Variants in PAK2 observed in about 807,000 individuals in gnomAD.
PAK2 encodes p21 (RAC1) activated kinase 2.
Under a neutral mutation model 65.9 loss-of-function variants are expected in PAK2, and 21 were observed. That is an observed-to-expected ratio of 0.32 (90% CI 0.23 to 0.46). The LOEUF (loss-of-function observed/expected upper bound fraction) is 0.46, where lower values mean the gene tolerates loss of function less well. PAK2 is among the 20% of genes least tolerant of loss of function. The pLI is 1.00. For synonymous variants in PAK2, 204 were observed against 219.7 expected (o/e 0.93, Z 0.63); for missense variants, 324 against 642.6 (o/e 0.50, Z 5.36).
At chr3:196,824,745 C>T (rs1711772660) in intron 13 of PAK2, among the ~76,000 whole-genome samples, 1 of 151,886 alleles carries the variant, frequency 6.6e-6, no homozygotes, top group Non-Finnish European at 1.5e-5. Context: ...GCTTGAAAGG[C>T]TGAAGCAGGA....
intron 5 of PAK2, 137 bp downstream of exon 5, chr3:196,805,520 A>G (rs1715557156): frequency 3.9e-6 from 2 of 507,192 alleles, no homozygotes; most frequent in Non-Finnish European, 7.0e-6. Flanking sequence ...GTTTTTAGCT[A>G]GCCACCTGAT....
At chr3:196,814,634 AT>A in intron 11 of PAK2, 66 bp downstream of exon 11, 2 of 742,810 alleles carry the variant, frequency 2.7e-6, no homozygotes, top group Non-Finnish European at 4.8e-6. Context: ...ACAAAAGGAA[AT>A]TTTTCTGCAC....
intron 8 of PAK2, among the ~76,000 whole-genome samples, chr3:196,811,187 A>G (rs1715774332): frequency 1.8e-5 from 2 of 111,434 alleles, no homozygotes; most frequent in African/African-American, 3.3e-5. Context: ...AAACTTCCAT[A>G]TGAATTCCTT....
chr3:196,784,220 TTTC>T (rs1369545582), intron 2 of PAK2, among the ~76,000 whole-genome samples: 1 of 129,462 alleles, frequency 7.7e-6, no homozygotes, highest in Non-Finnish European at 1.7e-5. Flanking sequence ...TAATTTTTTT[TTTC>T]TTTTTTTTTT....
chr3:196,804,560 C>T (rs58308557), intron 4 of PAK2, among the ~76,000 whole-genome samples: 1 of 152,034 alleles, frequency 6.6e-6, no homozygotes, highest in African/African-American at 2.4e-5. Flanking sequence ...CCCCGCCTCC[C>T]GGGTTCAAGC....
intron 2 of PAK2, 108 bp from the exon 3 acceptor site, chr3:196,801,819 G>A (rs1715431396): frequency 3.2e-6 from 2 of 634,430 alleles, no homozygotes; most frequent in African/African-American, 3.7e-5. Context: ...GGCAACAAGA[G>A]CGAAACTCCA....
At chr3:196,758,828 A>T (rs1246048669) in intron 1 of PAK2, among the ~76,000 whole-genome samples, 1 of 151,768 alleles carries the variant, frequency 6.6e-6, no homozygotes, top group East Asian at 1.9e-4. Context: ...GCTAAATTTT[A>T]TATTTTTTTA....
chr3:196,809,897 A>C (rs1170845114), intron 7 of PAK2, among the ~76,000 whole-genome samples: 1 of 152,018 alleles, frequency 6.6e-6, no homozygotes, highest in Non-Finnish European at 1.5e-5. Flanking sequence ...TCTTACTAGT[A>C]ATAAGAATAT....
At chr3:196,794,037 A>G (rs183775712) in intron 2 of PAK2, among the ~76,000 whole-genome samples, 204 of 152,260 alleles carry the variant, frequency 1.3e-3, no homozygotes, top group African/African-American at 4.5e-3. Context: ...AGGCTGAGGC[A>G]GGAGAATCAC....
intron 5 of PAK2, 119 bp downstream of exon 5, chr3:196,805,502 C>A: frequency 1.9e-6 from 1 of 536,242 alleles, no homozygotes; most frequent in East Asian, 3.3e-5. Flanking sequence ...AATAACTACT[C>A]AATAGGTGTT....
At chr3:196,814,051 C>T (rs983557333) in intron 10 of PAK2, among the ~76,000 whole-genome samples, 7 of 152,284 alleles carry the variant, frequency 4.6e-5, no homozygotes, top group South Asian at 2.1e-4. Context: ...CCAGGGGCTT[C>T]GGAATCGTTG....
At chr3:196,815,073 A>G (rs781149645) in intron 11 of PAK2, among the ~76,000 whole-genome samples, 10 of 151,760 alleles carry the variant, frequency 6.6e-5, no homozygotes, top group African/African-American at 1.4e-4. Flanking sequence ...CCAGCTACTC[A>G]GGAGGCTGAA....
At chr3:196,742,635 C>A (rs1318556862) in intron 1 of PAK2, among the ~76,000 whole-genome samples, 3 of 152,114 alleles carry the variant, frequency 2.0e-5, no homozygotes, top group African/African-American at 4.8e-5. Context: ...GTCTTCTTCG[C>A]CGGGCGCGGT....
chr3:196,773,545 TG>T (rs1417788522), intron 1 of PAK2, among the ~76,000 whole-genome samples: 1 of 152,080 alleles, frequency 6.6e-6, no homozygotes, highest in Non-Finnish European at 1.5e-5. Flanking sequence ...TTTGTTAATA[TG>T]GGGTAGTTGA....
chr3:196,793,457 T>C (rs1339697456), intron 2 of PAK2, among the ~76,000 whole-genome samples: 1 of 152,250 alleles, frequency 6.6e-6, no homozygotes, highest in Non-Finnish European at 1.5e-5. Context: ...CATGCTGTCC[T>C]TATCTTTAGT....
At chr3:196,758,951 C>A (rs1255133189) in intron 1 of PAK2, among the ~76,000 whole-genome samples, 1 of 152,178 alleles carries the variant, frequency 6.6e-6, no homozygotes, top group Non-Finnish European at 1.5e-5. Context: ...AGCCACCACA[C>A]CCGTCCAAGG....
At chr3:196,757,260 G>T (rs1399580784) in intron 1 of PAK2, among the ~76,000 whole-genome samples, 2 of 152,130 alleles carry the variant, frequency 1.3e-5, no homozygotes, top group African/African-American at 4.8e-5. Flanking sequence ...GCAGGTGACT[G>T]GGGGAACAGA....
intron 2 of PAK2, among the ~76,000 whole-genome samples, chr3:196,788,327 A>C (rs1302909133): frequency 6.6e-6 from 1 of 152,186 alleles, no homozygotes; most frequent in African/African-American, 2.4e-5. Context: ...AATTCATTTT[A>C]TTCCACTAAA....
intron 11 of PAK2, among the ~76,000 whole-genome samples, chr3:196,814,915 C>T (rs1280638710): frequency 6.6e-6 from 1 of 152,184 alleles, no homozygotes; most frequent in Non-Finnish European, 1.5e-5. Flanking sequence ...CGCGGTGGCT[C>T]ACGCCTGTAA....
Sources: gnomAD v4.1 joint callset for allele counts (sites outside exome capture counted in the v4.1 genomes callset) on GRCh38, gnomAD v4.1.1 for gene constraint, MANE v1.5 for transcripts, NCBI Gene and HGNC (gene_info 2026-07-23, HGNC 2026-07-21) for gene names.